The following NEK6 variants were observed in gnomAD, a reference collection of about 807,000 sequenced individuals.
NEK6 encodes the protein serine/threonine-protein kinase Nek6.
NEK6 carries 27 observed loss-of-function variants against 43.5 expected under a neutral mutation model. The ratio of observed to expected loss-of-function variants is 0.62; its 90% CI spans 0.46 to 0.86. The LOEUF (loss-of-function observed/expected upper bound fraction) is 0.86, where lower values mean the gene tolerates loss of function less well. NEK6 is among the 40% of genes least tolerant of loss of function. The probability of loss-of-function intolerance (pLI) is 0.00; values close to 1 mark genes in which losing one functional copy is unlikely to be tolerated. For missense variants in NEK6, 318 were observed against 414.4 expected, an observed-to-expected ratio of 0.77 and a Z score of 2.02; for synonymous variants, 167 against 164.1, an observed-to-expected ratio of 1.02 and a Z score of -0.14.
chr9:124,333,970 G>T (rs1829159360), intron 7 of NEK6, among the ~76,000 whole-genome samples: 1 of 151,932 alleles, frequency 6.6e-6, no homozygotes, highest in Non-Finnish European at 1.5e-5. Flanking sequence ...GTAGAGATGG[G>T]GTTTCACCAT....
At chr9:124,345,775 A>T (rs1032202717) in intron 8 of NEK6, among the ~76,000 whole-genome samples, 1 of 152,302 alleles carries the variant, frequency 6.6e-6, no homozygotes, top group East Asian at 1.9e-4. Flanking sequence ...CACCCAGATC[A>T]CCCCAGGTGA....
chr9:124,292,558 C>T lies in NEK6; in HGVS notation c.-29-9378C>T, dbSNP rs1261440549. 2.5e-5 allele frequency: 39 copies of T among 1,536,854 alleles called. No individual in the cohort carries two copies. In the East Asian group the frequency reaches 6.6e-4, roughly 26 times the overall value. On this transcript the variant is annotated intron_variant, in intron 1 of 9. Transcript: ENST00000320246. ...ACCCAGGGTGAGTTTTTTACAAACA[C>T]CGAAGCCCTCCAGCCCCCGGGGCTG...
rs1015244470 is a variant in NEK6, at chr9:124,295,442, G to C, written c.-29-6494G>C. On this transcript the variant is annotated intron_variant, in intron 1 of 9. Transcript: ENST00000320246. ...AAGAAGCGGGGCTGGGGCTGGGGAA[G>C]GGCCCAGCAGCCAGAGCCACAGCTC... 2.0e-5 allele frequency among the ~76,000 whole-genome samples: 3 copies of C among 152,208 alleles called. No individual in the cohort carries two copies. In the East Asian group the frequency reaches 5.8e-4, roughly 29 times the overall value.
chr9:124,350,501 GACACAC>G (rs55896623), intron 9 of NEK6, among the ~76,000 whole-genome samples: 2,224 of 150,584 alleles, frequency 0.015, 38 homozygotes, highest in African/African-American at 0.038. Context: ...ACTGACAGCA[GACACAC>G]ACACACACAC....
Position 124,351,049 on chromosome 9 carries a change from C to A in NEK6, c.*102C>A. 1.4e-6 allele frequency: 1 copy of A among 721,074 alleles called. No individual in the cohort carries two copies. The highest frequency in any genetic ancestry group is 2.3e-6 in the Non-Finnish European group (1 of 430,390). 44.7% of individuals were successfully genotyped at this position (721,074 alleles called of 1,614,324 possible). A position where few individuals can be genotyped will look rare whatever the true frequency, so the allele number is the denominator to read the frequency against. ...TGGTAGCCTAGAACAGCTAAGACCA[C>A]AGGGTTCAGCAGGTTCCCCAAAAGG... On this transcript the variant is annotated 3_prime_UTR_variant, in exon 10 of 10. Transcript: ENST00000320246.
intron 1 of NEK6, among the ~76,000 whole-genome samples, chr9:124,285,429 G>C (rs965147899): frequency 6.6e-6 from 1 of 152,184 alleles, no homozygotes; most frequent in African/African-American, 2.4e-5. Context: ...CATCAGAGTG[G>C]GTTCGTCTGT....
intron 1 of NEK6, among the ~76,000 whole-genome samples, chr9:124,285,542 A>T (rs1257910381): frequency 6.6e-6 from 1 of 152,120 alleles, no homozygotes; most frequent in Non-Finnish European, 1.5e-5. Flanking sequence ...TAGTTTCTGA[A>T]GGCTACTGAG....
intron 4 of NEK6, 120 bp downstream of exon 4, chr9:124,314,105 T>A: frequency 2.4e-6 from 2 of 850,900 alleles, no homozygotes; most frequent in Non-Finnish European, 3.7e-6. Flanking sequence ...CCTGCTAAGT[T>A]AACAGACGAT....
chr9:124,318,958 AC>A (rs1409933996), intron 4 of NEK6, among the ~76,000 whole-genome samples: 1 of 151,842 alleles, frequency 6.6e-6, no homozygotes, highest in African/African-American at 2.4e-5. Flanking sequence ...GGCGTGAGCC[AC>A]TGCGCCCAGC....
At chr9:124,322,828 C>G (rs1192827898) in intron 5 of NEK6, among the ~76,000 whole-genome samples, 2 of 152,240 alleles carry the variant, frequency 1.3e-5, no homozygotes, top group African/African-American at 4.8e-5. Flanking sequence ...GCTCAGTGCT[C>G]TTCTGAAATT....
intron 1 of NEK6, among the ~76,000 whole-genome samples, chr9:124,298,968 T>C (rs865834558): frequency 6.6e-6 from 1 of 152,228 alleles, no homozygotes; most frequent in Non-Finnish European, 1.5e-5. Flanking sequence ...GGTGAGCTCC[T>C]GAGAGTGTGC....
At chr9:124,283,390 C>G (rs1832010919) in intron 1 of NEK6, among the ~76,000 whole-genome samples, 1 of 152,242 alleles carries the variant, frequency 6.6e-6, no homozygotes. Context: ...ACACAGTTAG[C>G]TGAGACGACC....
chr9:124,350,992 T>TCCCAAGTTCTGACCTGC lies in NEK6; in HGVS notation c.*45_*46insCCCAAGTTCTGACCTGC. 1 of 1,416,812 alleles carries TCCCAAGTTCTGACCTGC rather than the reference T, an allele frequency of 7.1e-7. No homozygotes were observed. The highest frequency in any genetic ancestry group is 9.9e-7 in the Non-Finnish European group (1 of 1,014,364). The allele number at this position is 1,416,812 out of a possible 1,614,324, so 87.8% of individuals were successfully genotyped here. On this transcript the variant is annotated 3_prime_UTR_variant, in exon 10 of 10. Transcript: ENST00000320246. ...TATCAAAGCCAGCACCACTTTGCCT[T>TCCCAAGTTCTGACCTGC]ACTTGAGTCGTCTTCTCTTCGAGTG...
At chr9:124,279,146 G>A (rs181186620) in intron 1 of NEK6, among the ~76,000 whole-genome samples, 4 of 152,154 alleles carry the variant, frequency 2.6e-5, no homozygotes, top group African/African-American at 7.2e-5. Context: ...CTGTGATACC[G>A]GAGGCATCAC....
At chr9:124,264,997 G>A (rs746198541) in intron 1 of NEK6, among the ~76,000 whole-genome samples, 2 of 152,090 alleles carry the variant, frequency 1.3e-5, no homozygotes, top group Non-Finnish European at 2.9e-5. Flanking sequence ...TAAGATACAT[G>A]AAGTAGCCAG....
intron 7 of NEK6, 97 bp downstream of exon 7, chr9:124,327,542 G>A: frequency 1.1e-6 from 1 of 951,396 alleles, no homozygotes; most frequent in East Asian, 2.4e-5. Flanking sequence ...TGGTCAGTTA[G>A]TGCAGGAAGA....
chr9:124,313,840 C>T (rs1833674192), intron 3 of NEK6, 83 bp from the exon 4 acceptor site: 1 of 1,411,398 alleles, frequency 7.1e-7, no homozygotes, highest in Non-Finnish European at 1.0e-6. Context: ...AGAGCCGGGA[C>T]TGGAAAGCAG....
intron 7 of NEK6, among the ~76,000 whole-genome samples, chr9:124,333,785 T>C (rs1374272409): frequency 1.3e-5 from 2 of 149,816 alleles, no homozygotes; most frequent in Non-Finnish European, 3.0e-5. Context: ...TTTTTTTTTT[T>C]TTTTTTTTTT....
At chr9:124,298,018 G>A (rs1307820614) in intron 1 of NEK6, among the ~76,000 whole-genome samples, 1 of 152,184 alleles carries the variant, frequency 6.6e-6, no homozygotes, top group Non-Finnish European at 1.5e-5. Context: ...AGATTCCTTG[G>A]AACAAAGAGG....
Sources: allele counts gnomAD v4.1 joint callset (sites outside exome capture counted in the v4.1 genomes callset), GRCh38; gene constraint gnomAD v4.1.1; transcripts MANE v1.5; gene names NCBI Gene and HGNC (gene_info 2026-07-23, HGNC 2026-07-21).